RGS7: variants seen among roughly 807,000 people sequenced by gnomAD.
RGS7 encodes regulator of G protein signaling 7, also known as regulator of G-protein signaling 7.
Under a neutral mutation model 81.1 loss-of-function variants are expected in RGS7, and 27 were observed. That is an observed-to-expected ratio of 0.33 (90% CI 0.25 to 0.46). The LOEUF (loss-of-function observed/expected upper bound fraction) is 0.46, where lower values mean the gene tolerates loss of function less well. Ranked by LOEUF, RGS7 falls within the 20% of genes least tolerant of loss-of-function variation. RGS7 has a pLI of 1.00. For missense variants in RGS7, 396 were observed against 607.4 expected, an observed-to-expected ratio of 0.65 and a Z score of 3.66; for synonymous variants, 208 against 207.7, an observed-to-expected ratio of 1.00 and a Z score of -0.01.
intron 2 of RGS7, among the ~76,000 whole-genome samples, chr1:241,258,029 T>C (rs1187729700): frequency 6.6e-6 from 1 of 152,132 alleles, no homozygotes; most frequent in Non-Finnish European, 1.5e-5. Context: ...AAAACTTAGC[T>C]CTCCTGAAAA....
At chr1:241,250,928 A>G (rs1245543820) in intron 2 of RGS7, among the ~76,000 whole-genome samples, 2 of 152,214 alleles carry the variant, frequency 1.3e-5, no homozygotes, top group African/African-American at 4.8e-5. Flanking sequence ...TCATTTAAAA[A>G]GTAGGGACTA....
At position 240,860,431 on chromosome 1, in the gene RGS7, T is replaced by C. The variant is rs573978847; in HGVS notation, c.609+8156A>G. ...AATATTATTATGTCTTTATGAAGAA[T>C]TGATCTTTTTATCATTATGTAATAT... On this transcript the variant is annotated intron_variant, in intron 9 of 18. Coordinates refer to ENST00000440928, the MANE Select transcript of RGS7 (RefSeq NM_001364886.1). Among the ~76,000 whole-genome samples, 5 of 152,316 alleles carry C rather than the reference T, an allele frequency of 3.3e-5. No individual in the cohort carries two copies. The East Asian group carries it at 7.7e-4, about 24-fold the overall frequency.
At chr1:240,960,727 T>C (rs993502495) in intron 4 of RGS7, among the ~76,000 whole-genome samples, 8 of 152,206 alleles carry the variant, frequency 5.3e-5, no homozygotes, top group South Asian at 2.1e-4. Context: ...TGAAAAGCAA[T>C]GTTGCATTTC....
chr1:240,976,980 TC>T (rs1201331022), intron 4 of RGS7, among the ~76,000 whole-genome samples: 1 of 150,742 alleles, frequency 6.6e-6, no homozygotes, highest in Non-Finnish European at 1.5e-5. Context: ...CATTTATCTA[TC>T]ATCTATCATT....
intron 2 of RGS7, among the ~76,000 whole-genome samples, chr1:241,310,941 T>A (rs531496997): frequency 6.6e-5 from 10 of 152,318 alleles, no homozygotes; most frequent in African/African-American, 2.4e-4. Flanking sequence ...TTCATCTCGA[T>A]CCCTGGAGTT....
At chr1:241,005,609 C>T (rs116029708) in intron 3 of RGS7, among the ~76,000 whole-genome samples, 8,431 of 150,236 alleles carry the variant, frequency 0.056, 239 homozygotes, top group East Asian at 0.074. Context: ...GATCTCGGCT[C>T]GCTGCAACTC....
At chr1:241,261,087 TAAAAC>T (rs571967068) in intron 2 of RGS7, among the ~76,000 whole-genome samples, 28 of 151,202 alleles carry the variant, frequency 1.9e-4, no homozygotes, top group African/African-American at 6.3e-4. Context: ...AAAAAAAAAT[TAAAAC>T]AAAACAAAAC....
intron 9 of RGS7, among the ~76,000 whole-genome samples, chr1:240,832,261 A>T (rs1558321807): frequency 6.6e-6 from 1 of 152,218 alleles, no homozygotes; most frequent in South Asian, 2.1e-4. Flanking sequence ...ATACAGTATT[A>T]AGCACATAGT....
intron 6 of RGS7, among the ~76,000 whole-genome samples, chr1:240,899,933 A>C (rs895496713): frequency 6.6e-6 from 1 of 152,152 alleles, no homozygotes; most frequent in African/African-American, 2.4e-5. Flanking sequence ...CAATCAGATG[A>C]AGATTTGGTC....
In RGS7 at chr1:240,776,231, A is replaced by G. The variant is rs762191450; in HGVS notation, c.*7-18T>C. On this transcript the variant is annotated intron_variant, in intron 18 of 18. Transcript: ENST00000440928. ...GATTTCCCCTGAGAAAATATATAAAACAAGAGAAAAGAAAGAAAATCAAGT... is the reference window on the plus strand; with the variant it reads ...GATTTCCCCTGAGAAAATATATAAAGCAAGAGAAAAGAAAGAAAATCAAGT... The G allele has an allele frequency of 2.5e-6, 4 of 1,589,262 alleles. No homozygotes were observed. The highest frequency in any genetic ancestry group is 3.5e-6 in the Non-Finnish European group (4 of 1,157,604).
intron 3 of RGS7, among the ~76,000 whole-genome samples, chr1:241,011,051 G>A (rs561016671): frequency 3.9e-5 from 6 of 152,134 alleles, no homozygotes; most frequent in African/African-American, 1.4e-4. Context: ...CATAACTCTA[G>A]TGAAATAAAA....
chr1:241,307,949 A>G (rs1263034470), intron 2 of RGS7, among the ~76,000 whole-genome samples: 1 of 152,318 alleles, frequency 6.6e-6, no homozygotes, highest in East Asian at 1.9e-4. Context: ...GATTTCGGTC[A>G]TGTGTTGATA....
intron 3 of RGS7, among the ~76,000 whole-genome samples, chr1:241,070,722 A>G (rs150994438): frequency 4.6e-4 from 70 of 152,290 alleles, no homozygotes; most frequent in African/African-American, 1.5e-3. Flanking sequence ...TAAATTAGGC[A>G]CAGGATTTGG....
In RGS7 at chr1:241,143,917, G is replaced by A. The variant is rs189581880; in HGVS notation, c.79-45155C>T. On this transcript the variant is annotated intron_variant, in intron 2 of 18. Coordinates refer to ENST00000440928, the MANE Select transcript of RGS7 (RefSeq NM_001364886.1). ...CCTTTCTGCCATGTGAAAATACAGC[G>A]AGAAGGAACCATCTGTGAACCAGAG... is the stretch of plus-strand genomic sequence containing the variant. Among the ~76,000 whole-genome samples the A allele has an allele frequency of 3.5e-3, 529 of 152,182 alleles. 2 individuals carry two copies. Among genetic ancestry groups the A allele is most frequent in the African/African-American group, 0.012 (508 of 41,526 alleles).
intron 2 of RGS7, among the ~76,000 whole-genome samples, chr1:241,134,997 TC>T (rs112648650): frequency 0.051 from 7,774 of 151,890 alleles, 601 homozygotes; most frequent in African/African-American, 0.17. Flanking sequence ...AAGGAGGCCG[TC>T]CGGGTACTAC....
chr1:241,274,043 A>G (rs2078062360), intron 2 of RGS7, among the ~76,000 whole-genome samples: 1 of 152,158 alleles, frequency 6.6e-6, no homozygotes, highest in African/African-American at 2.4e-5. Context: ...TCTCTCATGG[A>G]AATGTCTTGC....
chr1:241,261,744 C>T (rs1183222583), intron 2 of RGS7, among the ~76,000 whole-genome samples: 2 of 146,060 alleles, frequency 1.4e-5, no homozygotes, highest in African/African-American at 5.1e-5. Context: ...AAATAAGGAT[C>T]AGGAGCCATA....
At chr1:241,008,114 C>T (rs1184483841) in intron 3 of RGS7, among the ~76,000 whole-genome samples, 2 of 149,216 alleles carry the variant, frequency 1.3e-5, no homozygotes, top group Non-Finnish European at 1.5e-5. Flanking sequence ...TATATGGCAA[C>T]AAAAGACAAA....
At chr1:240,963,397 A>G (rs1388181509) in intron 4 of RGS7, among the ~76,000 whole-genome samples, 1 of 152,208 alleles carries the variant, frequency 6.6e-6, no homozygotes, top group Non-Finnish European at 1.5e-5. Flanking sequence ...GAGCCAAGAA[A>G]TAAGAAATCT....
Sources: gnomAD v4.1 joint callset for allele counts (sites outside exome capture counted in the v4.1 genomes callset) on GRCh38, gnomAD v4.1.1 for gene constraint, MANE v1.5 for transcripts, NCBI Gene and HGNC (gene_info 2026-07-23, HGNC 2026-07-21) for gene names.